Variants in ZNF664 observed in about 807,000 individuals in gnomAD.
ZNF664 encodes zinc finger protein 664.
A neutral mutation model predicts 18.2 loss-of-function variants in ZNF664; 10 were observed. The observed-to-expected ratio is 0.55, with a 90% confidence interval of 0.34 to 0.93. The LOEUF is 0.93. Ranked by LOEUF, ZNF664 falls within the 40% of genes least tolerant of loss-of-function variation. ZNF664 has a pLI of 0.02. For missense variants in ZNF664, 193 were observed against 319.0 expected (o/e 0.61, Z 3.01); for synonymous variants, 119 against 104.2 (o/e 1.14, Z -0.86).
intron 3 of ZNF664, among the ~76,000 whole-genome samples, chr12:124,005,467 G>A (rs1255827060): frequency 6.9e-6 from 1 of 144,986 alleles, no homozygotes; most frequent in Non-Finnish European, 1.5e-5. Flanking sequence ...ATTTTGACTG[G>A]ATGATAATTT....
chr12:124,006,428 G>A (rs776435733), intron 3 of ZNF664, among the ~76,000 whole-genome samples: 4 of 152,296 alleles, frequency 2.6e-5, no homozygotes, highest in Middle Eastern at 3.4e-3. Context: ...CTGTACCCCC[G>A]TCTTCAGGTT....
chr12:123,986,071 TCTG>T (rs1433289790), intron 2 of ZNF664, among the ~76,000 whole-genome samples: 1 of 151,892 alleles, frequency 6.6e-6, no homozygotes, highest in Non-Finnish European at 1.5e-5. Context: ...ACATCCCAGT[TCTG>T]CTGGGAAGTG....
At chr12:123,990,780 A>G (rs1216874606) in intron 3 of ZNF664, among the ~76,000 whole-genome samples, 3 of 152,250 alleles carry the variant, frequency 2.0e-5, no homozygotes, top group Non-Finnish European at 4.4e-5. Flanking sequence ...GCCAAAGGGA[A>G]GGATAAGGAA....
At chr12:124,000,533 A>T (rs1393970339) in intron 3 of ZNF664, among the ~76,000 whole-genome samples, 5 of 152,166 alleles carry the variant, frequency 3.3e-5, no homozygotes, top group Non-Finnish European at 4.4e-5. Context: ...GAAGTCTAAC[A>T]TGCAGATTAT....
chr12:123,985,976 GT>G (rs71444925), intron 2 of ZNF664, among the ~76,000 whole-genome samples: 1 of 151,872 alleles, frequency 6.6e-6, no homozygotes, highest in Admixed American at 6.6e-5. Flanking sequence ...ATCCAGTAAT[GT>G]TTTTTTTCAG....
intron 3 of ZNF664, among the ~76,000 whole-genome samples, chr12:124,000,188 G>A (rs550750841): frequency 3.3e-5 from 5 of 152,184 alleles, no homozygotes; most frequent in South Asian, 4.2e-4. Context: ...GTCTCCCTAC[G>A]TTTCTTGGGT....
At chr12:123,986,369 C>CA (rs1392524466) in intron 2 of ZNF664, among the ~76,000 whole-genome samples, 3 of 152,190 alleles carry the variant, frequency 2.0e-5, no homozygotes, top group African/African-American at 7.2e-5. Context: ...TGAGGTCTCT[C>CA]ACGGCATCAC....
intron 3 of ZNF664, among the ~76,000 whole-genome samples, chr12:123,989,945 T>C (rs916461696): frequency 6.6e-6 from 1 of 152,240 alleles, no homozygotes. Flanking sequence ...TCACCTGCTC[T>C]TGCACTTTGT....
At position 124,012,890 on chromosome 12, in the gene ZNF664, A is replaced by G; in HGVS notation, c.746A>G (p.His249Arg). The change falls in exon 5 of 5, where the codon CAC becomes CGC. Residue 249 changes from histidine to arginine, a missense_variant. By Grantham distance (29) the His-to-Arg change is conservative. Around this residue, in one of 3 missense-constraint regions of ZNF664, gnomAD observed 42 missense variants for 46.4 expected, o/e 0.91. Transcript: ENST00000337815. Reference protein sequence around the residue: ...STSLCIHQRVHTKERNHLKIS... With the variant: ...STSLCIHQRVRTKERNHLKIS... ...AGCCTCTGCATCCACCAGAGAGTCC[A>G]CACAAAGGAGAGAAACCATCTCAAA... The G allele has an allele frequency of 6.2e-7, 1 of 1,614,232 alleles. No individual in the cohort carries two copies. The highest frequency in any genetic ancestry group is 8.5e-7 in the Non-Finnish European group (1 of 1,180,030).
chr12:123,985,155 G>T (rs1199866125), intron 2 of ZNF664, among the ~76,000 whole-genome samples: 3 of 151,984 alleles, frequency 2.0e-5, no homozygotes, highest in South Asian at 2.1e-4. Flanking sequence ...GAGTGAATTG[G>T]TCTTAGTCGG....
intron 3 of ZNF664, among the ~76,000 whole-genome samples, chr12:123,997,058 G>GA (rs1956957686): frequency 6.6e-6 from 1 of 152,170 alleles, no homozygotes; most frequent in Admixed American, 6.5e-5. Flanking sequence ...TAAAGGAAAG[G>GA]AAAAATAAAG....
chr12:124,008,875 A>G (rs1957103388), intron 3 of ZNF664, among the ~76,000 whole-genome samples: 2 of 149,534 alleles, frequency 1.3e-5, no homozygotes, highest in African/African-American at 5.0e-5. Context: ...TGTAAGTGCT[A>G]CTCTGGCTTT....
At chr12:124,008,113 C>T (rs1957094513) in intron 3 of ZNF664, among the ~76,000 whole-genome samples, 1 of 152,166 alleles carries the variant, frequency 6.6e-6, no homozygotes, top group Non-Finnish European at 1.5e-5. Flanking sequence ...TCATTTAGAG[C>T]AACTCCTCCC....
At chr12:123,982,984 G>A (rs756267368) in intron 2 of ZNF664, among the ~76,000 whole-genome samples, 3 of 151,990 alleles carry the variant, frequency 2.0e-5, no homozygotes, top group East Asian at 1.9e-4. Context: ...GCAAAACCCC[G>A]TCTCTACCAA....
intron 3 of ZNF664, among the ~76,000 whole-genome samples, chr12:124,007,726 C>A (rs1957089393): frequency 6.6e-6 from 1 of 151,932 alleles, no homozygotes; most frequent in Non-Finnish European, 1.5e-5. Context: ...AAATTTCAAC[C>A]ATACACAATA....
In ZNF664 at chr12:123,973,294, GGA is replaced by G. The variant is rs896084432; in HGVS notation, c.-946_-945del. 170 of 984,114 alleles carry G rather than the reference GGA, an allele frequency of 1.7e-4. No individual in the cohort carries two copies. The highest frequency in any genetic ancestry group is 4.9e-4 in the Admixed American group (8 of 16,168). The allele number at this position is 984,114 out of a possible 1,614,324, so 61.0% of individuals were successfully genotyped here. On this transcript the variant is annotated 5_prime_UTR_variant, in exon 1 of 5. Transcript: ENST00000337815. ...AGGCGCACCTGTGAGGTGTCCCTGA[GGA>G]GAGGGAGGTGGGTGCGCGGCGCCCG...
rs35572207 is a variant in ZNF664 at position 124,011,606 on chromosome 12, C to T, written c.-539C>T. The T allele has an allele frequency of 0.1, 100,213 of 991,792 alleles. 2,531 individuals carry two copies. The highest frequency in any genetic ancestry group is 0.11 in the Non-Finnish European group (89,544 of 834,994). 61.4% of individuals were successfully genotyped at this position (991,792 alleles called of 1,614,324 possible). A position where few individuals can be genotyped will look rare whatever the true frequency, so the allele number is the denominator to read the frequency against. ...AGCAGGGCTTGCCATACCTGGACCC[C>T]GAGGAGCCTGCTTGCTGGAAAGGCT... On this transcript the variant is annotated 5_prime_UTR_variant, in exon 5 of 5. Transcript: ENST00000337815.
intron 3 of ZNF664, among the ~76,000 whole-genome samples, chr12:124,007,178 C>T (rs1323476823): frequency 6.6e-6 from 1 of 152,196 alleles, no homozygotes; most frequent in Non-Finnish European, 1.5e-5. Context: ...CTCATCCCCC[C>T]ACCGTGCAGT....
At chr12:123,998,351 A>C (rs551073413) in intron 3 of ZNF664, 5 of 152,140 alleles carry the variant, frequency 3.3e-5, no homozygotes, top group Non-Finnish European at 7.3e-5. Flanking sequence ...TAGGTGGACT[A>C]CTATCTCCTG....
Sources: allele counts gnomAD v4.1 joint callset (sites outside exome capture counted in the v4.1 genomes callset), GRCh38; gene constraint gnomAD v4.1.1; regional missense constraint gnomAD v4.1.1; transcripts MANE v1.5; gene names NCBI Gene and HGNC (gene_info 2026-07-23, HGNC 2026-07-21).